STX2: variants seen among roughly 807,000 people sequenced by gnomAD.
The protein encoded by STX2 is syntaxin 2.
In STX2, 27 loss-of-function variants were observed where a neutral mutation model predicts 40.6. The ratio of observed to expected loss-of-function variants is 0.66; its 90% CI spans 0.49 to 0.92. The LOEUF (loss-of-function observed/expected upper bound fraction) is 0.92, where lower values mean the gene tolerates loss of function less well. STX2 is among the 40% of genes least tolerant of loss of function. The pLI, the probability that STX2 is intolerant of heterozygous loss-of-function variation, is 0.00. For synonymous variants in STX2, 123 were observed against 119.1 expected (o/e 1.03, Z -0.22); for missense variants, 328 against 366.1 (o/e 0.90, Z 0.85).
chr12:130,828,064 C>T (rs767965509), intron 1 of STX2, among the ~76,000 whole-genome samples: 6 of 152,178 alleles, frequency 3.9e-5, no homozygotes, highest in African/African-American at 9.7e-5. Flanking sequence ...CAGTCTCTGC[C>T]TCTTGTCCAT....
chr12:130,794,853 T>G (rs898097343), intron 10 of STX2, among the ~76,000 whole-genome samples: 1 of 152,194 alleles, frequency 6.6e-6, no homozygotes, highest in African/African-American at 2.4e-5. Flanking sequence ...AATAAATTCA[T>G]TGGGGATGAC....
Position 130,826,564 on chromosome 12 carries a change from T to C in STX2, c.105+629A>G, listed in dbSNP as rs1952318913. Among the ~76,000 whole-genome samples, 4 of 152,326 alleles carry C rather than the reference T, an allele frequency of 2.6e-5. No individual in the cohort carries two copies. The South Asian group carries it at 8.3e-4, about 32-fold the overall frequency. On this transcript the variant is annotated intron_variant, in intron 2 of 10. Coordinates refer to ENST00000392373, the MANE Select transcript of STX2 (RefSeq NM_194356.4). The stretch of plus-strand genomic sequence containing the variant: ...CTCCCGGACTGCATTAGAACGATGA[T>C]TTGCATTTTTCTCATTATTAACATT...
rs774786206 is a variant in STX2 at position 130,812,952 on chromosome 12, C to A, written c.280+5G>T. On this transcript the variant is annotated splice_donor_5th_base_variant and intron_variant, in intron 4 of 10. Coordinates refer to ENST00000392373, the MANE Select transcript of STX2 (RefSeq NM_194356.4). ...CAATAATTAAACATAAAACTTCAAA[C>A]TTACCCTTTAACTTGGCTCGAATTT... The A allele has an allele frequency of 2.1e-5, 33 of 1,548,302 alleles. No homozygotes were observed. The highest frequency in any genetic ancestry group is 2.7e-5 in the Non-Finnish European group (31 of 1,149,046).
chr12:130,827,138 G>T (rs1322253535), intron 2 of STX2, 55 bp downstream of exon 2: 4 of 827,244 alleles, frequency 4.8e-6, no homozygotes, highest in African/African-American at 5.0e-5. Flanking sequence ...GGGGTGGGGG[G>T]AGGGAGGGAG....
chr12:130,792,020 A>G (rs1222525764), intron 10 of STX2, 43 bp from the exon 11 acceptor site: 1 of 1,375,660 alleles, frequency 7.3e-7, no homozygotes, highest in South Asian at 1.2e-5. Flanking sequence ...GTATCAAAGA[A>G]ATCAACAATG....
At chr12:130,805,658 G>A (rs1951404647) in intron 6 of STX2, among the ~76,000 whole-genome samples, 1 of 152,136 alleles carries the variant, frequency 6.6e-6, no homozygotes, top group Non-Finnish European at 1.5e-5. Context: ...GGAATGACAG[G>A]CCCTCAAATA....
At chr12:130,829,535 T>C (rs891532805) in intron 1 of STX2, among the ~76,000 whole-genome samples, 48 of 121,632 alleles carry the variant, frequency 3.9e-4, no homozygotes, top group Non-Finnish European at 9.2e-5. Flanking sequence ...GCAGGCCAGG[T>C]GGCCAGGTCC....
At chr12:130,827,374 C>A (rs1952362329) in intron 1 of STX2, 107 bp from the exon 2 acceptor site, 6 of 797,488 alleles carry the variant, frequency 7.5e-6, no homozygotes, top group Non-Finnish European at 1.0e-5. Flanking sequence ...CAACTCACTA[C>A]AGCACCAAAT....
At chr12:130,837,314 AAC>A (rs1239254114) in intron 1 of STX2, among the ~76,000 whole-genome samples, 3 of 151,956 alleles carry the variant, frequency 2.0e-5, no homozygotes, top group Non-Finnish European at 2.9e-5. Context: ...GTTTTTCTGA[AAC>A]AGAGTCTCTT....
At chr12:130,819,469 A>G (rs1421217455) in intron 3 of STX2, among the ~76,000 whole-genome samples, 1 of 152,208 alleles carries the variant, frequency 6.6e-6, no homozygotes, top group African/African-American at 2.4e-5. Context: ...TGCTGCCTAC[A>G]TTTTGGTTCA....
At chr12:130,806,108 T>C (rs1368532044) in intron 6 of STX2, among the ~76,000 whole-genome samples, 1 of 152,128 alleles carries the variant, frequency 6.6e-6, no homozygotes, top group Non-Finnish European at 1.5e-5. Flanking sequence ...CCAAACACAC[T>C]GGAAAAGAGT....
chr12:130,801,144 T>C lies in STX2; in HGVS notation c.675+9A>G. 1 of 1,607,524 alleles carries C rather than the reference T, an allele frequency of 6.2e-7. No homozygotes were observed. Among genetic ancestry groups the C allele is most frequent in the Non-Finnish European group, 8.5e-7 (1 of 1,175,460 alleles). ...ATCTCTCTTGGAGAATGCAAGAGTC[T>C]GTAACTACCTGAGTCTCCACAAACA... On this transcript the variant is annotated intron_variant, in intron 8 of 10. Coordinates refer to ENST00000392373, the MANE Select transcript of STX2 (RefSeq NM_194356.4).
At chr12:130,833,826 T>C (rs897126345) in intron 1 of STX2, among the ~76,000 whole-genome samples, 3 of 152,214 alleles carry the variant, frequency 2.0e-5, no homozygotes, top group African/African-American at 7.2e-5. Flanking sequence ...TTTCTTACCA[T>C]GGGCATTTTC....
intron 3 of STX2, among the ~76,000 whole-genome samples, chr12:130,820,672 A>T (rs1467383379): frequency 6.7e-6 from 1 of 150,002 alleles, no homozygotes; most frequent in Non-Finnish European, 1.5e-5. Context: ...TCTCAAAATA[A>T]AAAAAAAAAT....
chr12:130,796,091 C>G lies in STX2; in HGVS notation c.816G>C (p.Val272=). Reference sequence around the variant, plus strand: ...TTAGAGCGATTATGGCAACCAGAACCACTGACACAGCAATAATTATCCACT... The same window carrying G: ...TTAGAGCGATTATGGCAACCAGAACGACTGACACAGCAATAATTATCCACT... ...RKKWIIIAVS[V]VLVAIIALII... The change falls in exon 10 of 11, where the codon GTG becomes GTC. Residue 272 remains valine (V), a synonymous_variant. Transcript: ENST00000392373. The G allele has an allele frequency of 6.2e-7, 1 of 1,614,174 alleles. No homozygotes were observed. Among genetic ancestry groups the G allele is most frequent in the Non-Finnish European group, 8.5e-7 (1 of 1,180,028 alleles).
At chr12:130,823,867 T>C (rs1247207751) in intron 2 of STX2, among the ~76,000 whole-genome samples, 1 of 152,254 alleles carries the variant, frequency 6.6e-6, no homozygotes, top group East Asian at 1.9e-4. Context: ...GTAAATCTAA[T>C]GTCCAGCTTA....
intron 4 of STX2, chr12:130,812,394 G>C (rs1203491307): frequency 8.8e-6 from 4 of 452,356 alleles, no homozygotes; most frequent in Admixed American, 2.4e-5. Flanking sequence ...CTGTGGAGCT[G>C]GGGGGTCGGC....
chr12:130,806,927 A>G lies in STX2; in HGVS notation c.463+55T>C, dbSNP rs76886420. 5,425 of 1,478,292 alleles carry G rather than the reference A, an allele frequency of 3.7e-3. 167 individuals are homozygous for G. The African/African-American group carries it at 0.066, about 18-fold the overall frequency. 91.6% of individuals were successfully genotyped at this position (1,478,292 alleles called of 1,614,324 possible). On this transcript the variant is annotated intron_variant, in intron 6 of 10. Coordinates refer to ENST00000392373, the MANE Select transcript of STX2 (RefSeq NM_194356.4). ...TCTGAAGTTAAAGTCATTTGAAGTG[A>G]GACCTTAAGGGAGAAAAACATGATT...
At chr12:130,823,268 C>T (rs1952183155) in intron 2 of STX2, among the ~76,000 whole-genome samples, 1 of 152,176 alleles carries the variant, frequency 6.6e-6, no homozygotes, top group South Asian at 2.1e-4. Flanking sequence ...GCTGTGACTG[C>T]ACCACTACAC....
Sources: gnomAD v4.1 joint callset for allele counts (sites outside exome capture counted in the v4.1 genomes callset) on GRCh38, gnomAD v4.1.1 for gene constraint, MANE v1.5 for transcripts, NCBI Gene and HGNC (gene_info 2026-07-23, HGNC 2026-07-21) for gene names.